The following EYA1 variants were observed in gnomAD, a reference collection of about 807,000 sequenced individuals.
EYA1 encodes EYA transcriptional coactivator and phosphatase 1, also known as protein phosphatase EYA1.
EYA1 carries 16 observed loss-of-function variants against 82.0 expected under a neutral mutation model. That is an observed-to-expected ratio of 0.20 (90% CI 0.13 to 0.30). EYA1 has a LOEUF of 0.30. Among genes scored for constraint, EYA1 ranks in the 10% least tolerant of loss-of-function variants. The pLI, the probability that EYA1 is intolerant of heterozygous loss-of-function variation, is 1.00. For missense variants in EYA1, 633 were observed against 730.7 expected, an observed-to-expected ratio of 0.87 and a Z score of 1.54; for synonymous variants, 261 against 264.4, an observed-to-expected ratio of 0.99 and a Z score of 0.12.
chr8:71,410,078 G>A (rs557080659), intron 2 of EYA1, among the ~76,000 whole-genome samples: 12 of 152,018 alleles, frequency 7.9e-5, no homozygotes, highest in Non-Finnish European at 1.2e-4. Context: ...TTCAATATAC[G>A]CAAATCAATA....
Position 71,289,934 on chromosome 8 carries a change from G to A in EYA1, c.826+9113C>T, listed in dbSNP as rs1409489530. On this transcript the variant is annotated intron_variant, in intron 9 of 17. Transcript: ENST00000340726. ...AAGGACCAAAAAGCTAAACATACTTGAATGTGGAAAAAAAGAGAGGCGGGG... is the reference window on the plus strand; with the variant it reads ...AAGGACCAAAAAGCTAAACATACTTAAATGTGGAAAAAAAGAGAGGCGGGG... 2.6e-5 allele frequency among the ~76,000 whole-genome samples: 4 copies of A among 152,122 alleles called. 1 individual carries two copies.
At chr8:71,276,083 C>A (rs1038500098) in intron 9 of EYA1, among the ~76,000 whole-genome samples, 3 of 152,212 alleles carry the variant, frequency 2.0e-5, no homozygotes, top group Non-Finnish European at 4.4e-5. Context: ...TGAATCAACA[C>A]AATGTTTCCT....
At chr8:71,507,093 A>G (rs1812247627) in intron 2 of EYA1, among the ~76,000 whole-genome samples, 1 of 152,210 alleles carries the variant, frequency 6.6e-6, no homozygotes, top group Non-Finnish European at 1.5e-5. Context: ...ACAATAGCCT[A>G]AACGTACTAT....
At chr8:71,407,829 C>A (rs1830347571) in intron 2 of EYA1, among the ~76,000 whole-genome samples, 1 of 148,872 alleles carries the variant, frequency 6.7e-6, no homozygotes, top group Non-Finnish European at 1.5e-5. Context: ...CTTCCCCAAT[C>A]TAGCAAGGCA....
chr8:71,467,092 G>T (rs1385050989), intron 2 of EYA1, among the ~76,000 whole-genome samples: 1 of 151,994 alleles, frequency 6.6e-6, no homozygotes, highest in African/African-American at 2.4e-5. Flanking sequence ...TTATTTTATT[G>T]TGGTATGTTG....
chr8:71,529,250 A>T (rs1814068374), intron 2 of EYA1, among the ~76,000 whole-genome samples: 1 of 152,180 alleles, frequency 6.6e-6, no homozygotes, highest in African/African-American at 2.4e-5. Flanking sequence ...TACCCATCAC[A>T]TCCGAAAAGA....
chr8:71,504,984 G>A (rs1812083057), intron 2 of EYA1, among the ~76,000 whole-genome samples: 1 of 152,074 alleles, frequency 6.6e-6, no homozygotes, highest in East Asian at 1.9e-4. Flanking sequence ...ATTTTTAGTA[G>A]AAATGGGGTT....
At chr8:71,479,377 C>T (rs1035984307) in intron 2 of EYA1, among the ~76,000 whole-genome samples, 2 of 152,160 alleles carry the variant, frequency 1.3e-5, no homozygotes, top group Non-Finnish European at 2.9e-5. Flanking sequence ...TCTAGCATTT[C>T]CTAGTCTTCT....
intron 9 of EYA1, among the ~76,000 whole-genome samples, chr8:71,282,628 T>C (rs1284538808): frequency 6.6e-6 from 1 of 152,202 alleles, no homozygotes; most frequent in Non-Finnish European, 1.5e-5. Flanking sequence ...CCTGACTCCC[T>C]GGGTGCTCTT....
chr8:71,444,653 T>C, intron 2 of EYA1, among the ~76,000 whole-genome samples: 1 of 152,198 alleles, frequency 6.6e-6, no homozygotes, highest in South Asian at 2.1e-4. Context: ...AGCATCCGTA[T>C]GTACTTCTTG....
At chr8:71,496,913 G>GA (rs34711030) in intron 2 of EYA1, among the ~76,000 whole-genome samples, 41 of 140,356 alleles carry the variant, frequency 2.9e-4, no homozygotes, top group Admixed American at 7.0e-4. Flanking sequence ...AACTGTCTAA[G>GA]AAAAAAAAAA....
chr8:71,430,685 G>C (rs886652763), intron 2 of EYA1, among the ~76,000 whole-genome samples: 1 of 152,146 alleles, frequency 6.6e-6, no homozygotes, highest in Non-Finnish European at 1.5e-5. Flanking sequence ...CTGGCCAAGG[G>C]GCTGTTATCC....
intron 2 of EYA1, among the ~76,000 whole-genome samples, chr8:71,440,043 A>G (rs1806300098): frequency 6.6e-6 from 1 of 152,202 alleles, no homozygotes; most frequent in Non-Finnish European, 1.5e-5. Context: ...AGAGGTAGAG[A>G]TACTTGTGTG....
At chr8:71,356,730 G>C in intron 1 of EYA1, 1 of 1,226,486 alleles carries the variant, frequency 8.2e-7, no homozygotes, top group Non-Finnish European at 1.0e-6. Context: ...TGTCAGGGGG[G>C]GAAGGCAGCC....
Position 71,317,564 on chromosome 8 carries a change from A to G in EYA1, c.544T>C (p.Tyr182His), listed in dbSNP as rs200063586. The G allele has an allele frequency of 2.6e-5, 42 of 1,614,138 alleles. No individual in the cohort carries two copies. In the East Asian group the frequency reaches 9.4e-4, roughly 36 times the overall value. The change falls in exon 7 of 18, where the codon TAC becomes CAC. Residue 182 changes from tyrosine (Y) to histidine (H), a missense_variant. By Grantham distance (83) the Tyr-to-His change is moderately conservative. Transcript: ENST00000340726. ...TGTATATACAGACCTTGCATCTGGT[A>G]GCTGTATGGTGCCTGTCCAGGTTGA... ...TPQPGQAPYS[Y>H]QMQGSSFTTS... is the part of the protein sequence containing the mutation.
chr8:71,333,797 G>A (rs1233092909), intron 4 of EYA1, among the ~76,000 whole-genome samples: 3 of 152,174 alleles, frequency 2.0e-5, no homozygotes, highest in Non-Finnish European at 4.4e-5. Flanking sequence ...GAGAGAACGG[G>A]GGAGGAGTCA....
intron 17 of EYA1, among the ~76,000 whole-genome samples, chr8:71,208,366 A>G (rs1808080102): frequency 6.6e-6 from 1 of 152,090 alleles, no homozygotes; most frequent in African/African-American, 2.4e-5. Flanking sequence ...TAGGAGGAGG[A>G]GGTTGCAGTG....
intron 4 of EYA1, among the ~76,000 whole-genome samples, chr8:71,327,949 G>C (rs2129039864): frequency 6.7e-6 from 1 of 148,488 alleles, no homozygotes; most frequent in South Asian, 2.1e-4. Flanking sequence ...TCCGCCTCCT[G>C]GGTTCAAGCG....
At chr8:71,485,361 CT>C (rs1258690426) in intron 2 of EYA1, among the ~76,000 whole-genome samples, 4 of 152,074 alleles carry the variant, frequency 2.6e-5, no homozygotes, top group Non-Finnish European at 4.4e-5. Context: ...AAAAATAAAT[CT>C]ACATAAATAC....
Sources: gnomAD v4.1 joint callset for allele counts (sites outside exome capture counted in the v4.1 genomes callset) on GRCh38, gnomAD v4.1.1 for gene constraint, MANE v1.5 for transcripts, NCBI Gene and HGNC (gene_info 2026-07-23, HGNC 2026-07-21) for gene names.